The following STAG1 variants were observed in gnomAD, a reference collection of about 807,000 sequenced individuals.
The protein encoded by STAG1 is cohesin subunit SA-1.
In STAG1, 26 loss-of-function variants were observed where a neutral mutation model predicts 170.9. The ratio of observed to expected loss-of-function variants is 0.15; its 90% CI spans 0.11 to 0.21. The LOEUF (loss-of-function observed/expected upper bound fraction) is 0.21. STAG1 is among the 10% of genes least tolerant of loss of function. The pLI is 1.00. For synonymous variants in STAG1, 514 were observed against 497.7 expected (o/e 1.03, Z -0.44); for missense variants, 964 against 1,509.5 (o/e 0.64, Z 5.99).
At chr3:136,397,140 A>G (rs1158767434) in intron 22 of STAG1, among the ~76,000 whole-genome samples, 1 of 152,242 alleles carries the variant, frequency 6.6e-6, no homozygotes, top group Non-Finnish European at 1.5e-5. Context: ...ATACACAAAC[A>G]TACTAATATC....
intron 1 of STAG1, among the ~76,000 whole-genome samples, chr3:136,692,504 A>G (rs891533595): frequency 2.0e-5 from 3 of 151,856 alleles, no homozygotes; most frequent in African/African-American, 7.3e-5. Flanking sequence ...GCGTGGTAGC[A>G]AATGCCTGTA....
chr3:136,529,929 A>C (rs917889208), intron 6 of STAG1, among the ~76,000 whole-genome samples: 1 of 152,190 alleles, frequency 6.6e-6, no homozygotes, highest in South Asian at 2.1e-4. Context: ...TATTCCACTA[A>C]AAAGACAAAG....
At chr3:136,700,328 G>A (rs534251221) in intron 1 of STAG1, among the ~76,000 whole-genome samples, 1 of 149,944 alleles carries the variant, frequency 6.7e-6, no homozygotes, top group East Asian at 2.0e-4. Flanking sequence ...TTCGAATCTC[G>A]GTCTGCTGAA....
At chr3:136,707,824 G>A (rs1211978574) in intron 1 of STAG1, among the ~76,000 whole-genome samples, 1 of 152,198 alleles carries the variant, frequency 6.6e-6, no homozygotes, top group Non-Finnish European at 1.5e-5. Flanking sequence ...AGTGAGAACA[G>A]CACCAGCAAT....
At chr3:136,472,328 A>C in intron 12 of STAG1, 85 bp downstream of exon 12, 1 of 819,730 alleles carries the variant, frequency 1.2e-6, no homozygotes, top group Non-Finnish European at 2.0e-6. Flanking sequence ...ATACATAAGG[A>C]CTATATATAG....
chr3:136,347,094 AAAG>A (rs1936254197), intron 29 of STAG1, among the ~76,000 whole-genome samples: 1 of 150,324 alleles, frequency 6.7e-6, no homozygotes, highest in African/African-American at 2.4e-5. Flanking sequence ...AAAAAAAAAA[AAAG>A]AAAAGAAAAA....
chr3:136,377,164 C>T (rs1275074537), intron 23 of STAG1, among the ~76,000 whole-genome samples: 1 of 148,424 alleles, frequency 6.7e-6, no homozygotes, highest in African/African-American at 2.5e-5. Context: ...CTTTGGGAGG[C>T]TGAGGCGGGC....
chr3:136,739,133 A>T (rs1934513598), intron 1 of STAG1, among the ~76,000 whole-genome samples: 1 of 152,186 alleles, frequency 6.6e-6, no homozygotes, highest in Admixed American at 6.5e-5. Context: ...GCCTTTTAAG[A>T]AATTTAGAGA....
At chr3:136,670,475 T>C (rs6765239) in intron 1 of STAG1, among the ~76,000 whole-genome samples, 52,972 of 152,040 alleles carry the variant, frequency 0.35, 10,359 homozygotes, top group African/African-American at 0.52. Flanking sequence ...TTATACCTTT[T>C]TTGGGGGGTG....
chr3:136,678,490 T>C (rs1485193220), intron 1 of STAG1, among the ~76,000 whole-genome samples: 1 of 141,090 alleles, frequency 7.1e-6, no homozygotes, highest in Non-Finnish European at 1.5e-5. Context: ...CCTTATGTTA[T>C]CCAACATACA....
chr3:136,492,114 G>A (rs776044170), intron 9 of STAG1, among the ~76,000 whole-genome samples: 6 of 152,206 alleles, frequency 3.9e-5, no homozygotes, highest in African/African-American at 7.2e-5. Flanking sequence ...CTTCCAGTAC[G>A]TGCAGTAATA....
intron 1 of STAG1, among the ~76,000 whole-genome samples, chr3:136,693,274 A>T (rs1942783319): frequency 6.6e-6 from 1 of 152,240 alleles, no homozygotes; most frequent in Non-Finnish European, 1.5e-5. Flanking sequence ...TTATTATTCC[A>T]ACACCGTGGC....
At chr3:136,685,149 T>C (rs560260462) in intron 1 of STAG1, among the ~76,000 whole-genome samples, 1 of 152,218 alleles carries the variant, frequency 6.6e-6, no homozygotes, top group Non-Finnish European at 1.5e-5. Context: ...ACCCCATCTC[T>C]ACTAAAAATA....
intron 8 of STAG1, among the ~76,000 whole-genome samples, chr3:136,501,702 A>G (rs185154085): frequency 6.1e-4 from 93 of 152,310 alleles, no homozygotes; most frequent in African/African-American, 2.0e-3. Context: ...CTATCAAACT[A>G]ATACAGTATG....
At chr3:136,678,527 C>CA (rs200768204) in intron 1 of STAG1, among the ~76,000 whole-genome samples, 11,267 of 98,962 alleles carry the variant, frequency 0.11, 457 homozygotes, top group African/African-American at 0.13. Flanking sequence ...ACATGAATTG[C>CA]AAAAAAAAAA....
chr3:136,592,728 C>A (rs1193450461), intron 4 of STAG1, among the ~76,000 whole-genome samples: 1 of 152,178 alleles, frequency 6.6e-6, no homozygotes, highest in Non-Finnish European at 1.5e-5. Flanking sequence ...GTGGCAATTT[C>A]TTATCCACAT....
chr3:136,752,175 TCGCCGC>T lies in STAG1; in HGVS notation c.-84+14_-84+19del, dbSNP rs1319388641. The T allele has an allele frequency of 6.6e-6, 1 of 152,580 alleles. No homozygotes were observed. The highest frequency in any genetic ancestry group is 1.8e-4 in the South Asian group (1 of 5,628). 9.5% of individuals were successfully genotyped at this position (152,580 alleles called of 1,614,324 possible). On this transcript the variant is annotated intron_variant, in intron 1 of 33. Coordinates refer to ENST00000383202, the MANE Select transcript of STAG1 (RefSeq NM_005862.3). ...CCCTCTTTCCCGCCCCCCGCCGCCG[TCGCCGC>T]CGCCCGCACTCACCTCAGCTGCCCA...
At chr3:136,662,854 C>A (rs1472604117) in intron 1 of STAG1, among the ~76,000 whole-genome samples, 1 of 152,178 alleles carries the variant, frequency 6.6e-6, no homozygotes, top group African/African-American at 2.4e-5. Context: ...GAGTTCAAGA[C>A]CAGCTTTGCC....
chr3:136,578,560 C>A (rs1937526567), intron 4 of STAG1, among the ~76,000 whole-genome samples: 1 of 152,202 alleles, frequency 6.6e-6, no homozygotes, highest in Non-Finnish European at 1.5e-5. Context: ...CAAGTACATA[C>A]AATAAATCTT....
Sources: allele counts gnomAD v4.1 joint callset (sites outside exome capture counted in the v4.1 genomes callset), GRCh38; gene constraint gnomAD v4.1.1; transcripts MANE v1.5; gene names NCBI Gene and HGNC (gene_info 2026-07-23, HGNC 2026-07-21).